The following ZNF148 variants were observed in gnomAD, a reference collection of about 807,000 sequenced individuals.
ZNF148 encodes the protein zinc finger protein 148.
In ZNF148, 7 loss-of-function variants were observed where a neutral mutation model predicts 67.7. The observed-to-expected ratio is 0.10, with a 90% CI of 0.06 to 0.19. The LOEUF is 0.19. Among genes scored for constraint, ZNF148 ranks in the 10% least tolerant of loss-of-function variants. The probability of loss-of-function intolerance (pLI) is 1.00; values close to 1 mark genes in which losing one functional copy is unlikely to be tolerated. For synonymous variants in ZNF148, 333 were observed against 330.7 expected (o/e 1.01, Z -0.08); for missense variants, 583 against 947.1 (o/e 0.62, Z 5.05).
At chr3:125,368,200 AATT>A (rs1426494518) in intron 1 of ZNF148, among the ~76,000 whole-genome samples, 17 of 152,248 alleles carry the variant, frequency 1.1e-4, no homozygotes, top group South Asian at 2.1e-4. Flanking sequence ...AAGGTAATAA[AATT>A]ATTAACAAAC....
At chr3:125,350,787 A>G (rs1942118358) in intron 1 of ZNF148, among the ~76,000 whole-genome samples, 1 of 152,214 alleles carries the variant, frequency 6.6e-6, no homozygotes, top group South Asian at 2.1e-4. Flanking sequence ...TGTGCAGCCC[A>G]ATCTGTAACA....
chr3:125,286,065 C>A (rs552370243), intron 5 of ZNF148, among the ~76,000 whole-genome samples: 10 of 152,028 alleles, frequency 6.6e-5, no homozygotes, highest in Non-Finnish European at 1.0e-4. Flanking sequence ...GAAATAGATA[C>A]CCCATAGATC....
chr3:125,372,647 G>GT (rs1942928124), intron 1 of ZNF148, among the ~76,000 whole-genome samples: 1 of 152,188 alleles, frequency 6.6e-6, no homozygotes, highest in African/African-American at 2.4e-5. Context: ...GTTTTTCATT[G>GT]TAAGTTCCCT....
chr3:125,277,705 G>GT (rs1378563757), intron 7 of ZNF148, 21 bp downstream of exon 7: 1 of 1,583,946 alleles, frequency 6.3e-7, no homozygotes, highest in East Asian at 2.3e-5. Flanking sequence ...AATGAACCTA[G>GT]TAAGGGTGGT....
At chr3:125,255,435 C>A (rs769774944) in intron 7 of ZNF148, among the ~76,000 whole-genome samples, 3 of 151,612 alleles carry the variant, frequency 2.0e-5, no homozygotes, top group East Asian at 3.9e-4. Context: ...TTAGTAGAGA[C>A]GGGGTTTCCC....
chr3:125,320,782 A>G (rs1157272148), intron 3 of ZNF148, among the ~76,000 whole-genome samples: 1 of 152,200 alleles, frequency 6.6e-6, no homozygotes, highest in Non-Finnish European at 1.5e-5. Context: ...TAAAAGAAAA[A>G]AGCTAGATTT....
intron 4 of ZNF148, among the ~76,000 whole-genome samples, chr3:125,300,144 G>T (rs1939510288): frequency 6.6e-6 from 1 of 151,988 alleles, no homozygotes; most frequent in African/African-American, 2.4e-5. Flanking sequence ...CCTAATTTTT[G>T]TATTTTTAGT....
At chr3:125,271,384 C>A (rs899307982) in intron 7 of ZNF148, among the ~76,000 whole-genome samples, 1 of 152,214 alleles carries the variant, frequency 6.6e-6, no homozygotes, top group East Asian at 1.9e-4. Context: ...TTCGTTTCAG[C>A]GAAGCGTAGA....
chr3:125,267,875 T>C (rs558858858), intron 7 of ZNF148, among the ~76,000 whole-genome samples: 39 of 152,178 alleles, frequency 2.6e-4, no homozygotes, highest in South Asian at 8.3e-4. Context: ...ACAATTTCAG[T>C]AAAGTTTCAG....
At chr3:125,362,328 G>T (rs960123559) in intron 1 of ZNF148, among the ~76,000 whole-genome samples, 1 of 151,894 alleles carries the variant, frequency 6.6e-6, no homozygotes, top group Non-Finnish European at 1.5e-5. Context: ...GTTACTTCTT[G>T]CCTCCAGTTT....
At chr3:125,313,277 A>C (rs770608376) in intron 4 of ZNF148, 31 bp downstream of exon 4, 3 of 1,537,758 alleles carry the variant, frequency 2.0e-6, no homozygotes, top group Non-Finnish European at 2.6e-6. Context: ...TTATGTTTCT[A>C]AGTTTAATAT....
intron 7 of ZNF148, among the ~76,000 whole-genome samples, chr3:125,235,991 T>C (rs1204657559): frequency 1.3e-5 from 2 of 149,108 alleles, no homozygotes; most frequent in Non-Finnish European, 3.0e-5. Context: ...AGGAGATATA[T>C]CTAATGTAAA....
chr3:125,278,098 G>A (rs1359105896), intron 6 of ZNF148, among the ~76,000 whole-genome samples: 5 of 151,988 alleles, frequency 3.3e-5, no homozygotes, highest in Non-Finnish European at 7.4e-5. Context: ...TAACATCATG[G>A]GGTGAGAAAG....
rs1024960082 is a variant in ZNF148 at position 125,323,306 on chromosome 3, T to C, written c.-17+3A>G. The C allele has an allele frequency of 1.6e-6, 1 of 616,188 alleles. No individual in the cohort carries two copies. The highest frequency in any genetic ancestry group is 1.9e-5 in the African/African-American group (1 of 53,720). 38.2% of individuals were successfully genotyped at this position (616,188 alleles called of 1,614,324 possible). A position where few individuals can be genotyped will look rare whatever the true frequency, so the allele number is the denominator to read the frequency against. Reference sequence around the variant, plus strand: ...GATTATGAAAAATAAGTATTAAAATTACCCGAGACTAAGGTAAAAACGAAG... The same window carrying C: ...GATTATGAAAAATAAGTATTAAAATCACCCGAGACTAAGGTAAAAACGAAG... On this transcript the variant is annotated splice_donor_region_variant and intron_variant, in intron 3 of 8. Transcript: ENST00000360647.
At chr3:125,316,947 G>GA (rs1940525675) in intron 3 of ZNF148, among the ~76,000 whole-genome samples, 1 of 151,950 alleles carries the variant, frequency 6.6e-6, no homozygotes, top group Non-Finnish European at 1.5e-5. Flanking sequence ...TAATATTTTG[G>GA]AAAAAAGGCA....
Position 125,288,175 on chromosome 3 carries a change from T to C in ZNF148, c.387A>G (p.Arg129=), listed in dbSNP as rs745877674. 2 of 1,613,702 alleles carry C rather than the reference T, an allele frequency of 1.2e-6. No individual in the cohort carries two copies. Among genetic ancestry groups the C allele is most frequent in the Admixed American group, 1.7e-5 (1 of 59,920 alleles). Residue 129 remains arginine (R), a synonymous_variant, in exon 5 of 9, where the codon AGA becomes AGG. Coordinates refer to ENST00000360647, the MANE Select transcript of ZNF148 (RefSeq NM_021964.3). ...CTGGCTCTCTGATTTGTTTTTTGTC[T>C]CTCATCAGTTGCTCAGATACATCAG... is the stretch of plus-strand genomic sequence containing the variant. ...TFTDVSEQLM[R]DKKQIREPVD...
At position 125,235,974 on chromosome 3, in the gene ZNF148, T is replaced by C. The variant is rs528592065; in HGVS notation, c.668-1645A>G. 1.5e-3 allele frequency among the ~76,000 whole-genome samples: 204 copies of C among 137,024 alleles called. 2 individuals carry two copies. The highest frequency in any genetic ancestry group is 4.9e-3 in the African/African-American group (184 of 37,830). The allele number at this position is 137,024 out of a possible 152,430, so 89.9% of individuals were successfully genotyped here. ...GTGGGGTGGGGGGAGGGGGGAGGGA[T>C]AGCATTAGGAGATATATCTAATGTA... On this transcript the variant is annotated intron_variant, in intron 7 of 8. Coordinates refer to ENST00000360647, the MANE Select transcript of ZNF148 (RefSeq NM_021964.3).
At chr3:125,286,500 A>G (rs1938666941) in intron 5 of ZNF148, among the ~76,000 whole-genome samples, 1 of 152,218 alleles carries the variant, frequency 6.6e-6, no homozygotes, top group African/African-American at 2.4e-5. Context: ...CATTATCAAG[A>G]AATCTTTCCA....
intron 7 of ZNF148, among the ~76,000 whole-genome samples, chr3:125,256,191 G>A (rs928420042): frequency 4.6e-5 from 7 of 151,556 alleles, no homozygotes; most frequent in African/African-American, 1.7e-4. Context: ...GCAAAACCCT[G>A]TCTCTACTGA....
Sources: gnomAD v4.1 joint callset for allele counts (sites outside exome capture counted in the v4.1 genomes callset) on GRCh38, gnomAD v4.1.1 for gene constraint, MANE v1.5 for transcripts, NCBI Gene and HGNC (gene_info 2026-07-23, HGNC 2026-07-21) for gene names.